MTUS2: variants seen among roughly 807,000 people sequenced by gnomAD.
MTUS2 encodes the protein microtubule-associated tumor suppressor candidate 2.
In MTUS2, 40 loss-of-function variants were observed where a neutral mutation model predicts 114.1. That is an observed-to-expected ratio of 0.35 (90% confidence interval 0.27 to 0.46). The LOEUF is 0.46. Among genes scored for constraint, MTUS2 ranks in the 20% least tolerant of loss-of-function variants. The pLI is 1.00. For missense variants in MTUS2, 1,679 were observed against 1,705.4 expected, an observed-to-expected ratio of 0.98 and a Z score of 0.27; for synonymous variants, 688 against 672.0, an observed-to-expected ratio of 1.02 and a Z score of -0.37.
chr13:29,253,312 G>A (rs1394670259), intron 5 of MTUS2, among the ~76,000 whole-genome samples: 2 of 151,870 alleles, frequency 1.3e-5, no homozygotes, highest in Admixed American at 6.6e-5. Flanking sequence ...TGTAATCCCA[G>A]CTACTCGGGA....
At chr13:28,988,434 AC>A (rs1330054961) in intron 2 of MTUS2, among the ~76,000 whole-genome samples, 1 of 152,182 alleles carries the variant, frequency 6.6e-6, no homozygotes, top group East Asian at 1.9e-4. Flanking sequence ...AAAGAGTCAT[AC>A]TCATTAGTGA....
intron 5 of MTUS2, among the ~76,000 whole-genome samples, chr13:29,149,716 C>G (rs1165957523): frequency 2.0e-5 from 3 of 152,074 alleles, no homozygotes; most frequent in Non-Finnish European, 4.4e-5. Flanking sequence ...AAGAAGGGGC[C>G]TGGTTTCAAT....
chr13:29,381,430 G>A (rs535762709), intron 8 of MTUS2, among the ~76,000 whole-genome samples: 166 of 152,282 alleles, frequency 1.1e-3, no homozygotes, highest in Non-Finnish European at 2.1e-3. Flanking sequence ...TATAGGTATT[G>A]CAACTAAGAG....
intron 2 of MTUS2, among the ~76,000 whole-genome samples, chr13:29,009,141 C>T (rs968708370): frequency 4.0e-5 from 6 of 149,202 alleles, no homozygotes; most frequent in African/African-American, 1.5e-4. Context: ...TTCCCTGTCT[C>T]TTTCTATAGC....
At chr13:29,478,937 G>C (rs1195050554) in intron 9 of MTUS2, among the ~76,000 whole-genome samples, 1 of 152,194 alleles carries the variant, frequency 6.6e-6, no homozygotes, top group African/African-American at 2.4e-5. Flanking sequence ...TATTTCACCA[G>C]AAGAAGAAAA....
chr13:29,009,925 A>G (rs1721237197), intron 2 of MTUS2, among the ~76,000 whole-genome samples: 1 of 152,096 alleles, frequency 6.6e-6, no homozygotes, highest in African/African-American at 2.4e-5. Flanking sequence ...ATAAAAAGCT[A>G]TAAAGGCCAG....
chr13:29,166,085 G>T (rs1893303824), intron 5 of MTUS2, among the ~76,000 whole-genome samples: 1 of 152,140 alleles, frequency 6.6e-6, no homozygotes, highest in Admixed American at 6.5e-5. Context: ...TGCAGCTACT[G>T]GTGAAAACAG....
At chr13:29,203,411 C>T (rs950468925) in intron 5 of MTUS2, among the ~76,000 whole-genome samples, 9 of 152,148 alleles carry the variant, frequency 5.9e-5, no homozygotes, top group East Asian at 1.9e-4. Context: ...GTGCTGGCAG[C>T]GAGAATTTCA....
At chr13:29,320,327 C>T (rs1056619621) in intron 6 of MTUS2, among the ~76,000 whole-genome samples, 36 of 152,170 alleles carry the variant, frequency 2.4e-4, no homozygotes, top group Admixed American at 2.1e-3. Flanking sequence ...CCAGCCTGGC[C>T]GACCCCTTGG....
chr13:28,865,822 G>A (rs1362305279), intron 2 of MTUS2, among the ~76,000 whole-genome samples: 1 of 152,126 alleles, frequency 6.6e-6, no homozygotes, highest in African/African-American at 2.4e-5. Flanking sequence ...CCACACTAGA[G>A]TCTCTTGCAG....
At chr13:29,228,339 G>A (rs1299472897) in intron 5 of MTUS2, among the ~76,000 whole-genome samples, 1 of 152,186 alleles carries the variant, frequency 6.6e-6, no homozygotes, top group Non-Finnish European at 1.5e-5. Flanking sequence ...TCTTTTTTTA[G>A]ATATGGGATC....
rs114295957 is a variant in MTUS2 at position 29,418,469 on chromosome 13, A to T, written c.3118-21514A>T. ...CTTTTCTGCTCATACAGATCAAGTA[A>T]GAATTTAATTGGCTTCCTATCTATT... On this transcript the variant is annotated intron_variant, in intron 8 of 15. Coordinates refer to ENST00000612955, the MANE Select transcript of MTUS2 (RefSeq NM_001033602.4). Among the ~76,000 whole-genome samples, 1,004 of 152,356 alleles carry T rather than the reference A, an allele frequency of 6.6e-3. 13 individuals are homozygous for T. The highest frequency in any genetic ancestry group is 0.023 in the African/African-American group (960 of 41,596).
At chr13:29,225,100 T>C (rs1896053818) in intron 5 of MTUS2, among the ~76,000 whole-genome samples, 1 of 152,176 alleles carries the variant, frequency 6.6e-6, no homozygotes, top group South Asian at 2.1e-4. Flanking sequence ...GACTGGCTCC[T>C]TGTCAGCCTA....
chr13:28,863,097 G>T (rs1264533119), intron 2 of MTUS2, among the ~76,000 whole-genome samples: 1 of 152,180 alleles, frequency 6.6e-6, no homozygotes, highest in Non-Finnish European at 1.5e-5. Context: ...AAACATTCCA[G>T]TAATGTGCAG....
chr13:28,998,180 G>T (rs968974451), intron 2 of MTUS2, among the ~76,000 whole-genome samples: 1 of 152,048 alleles, frequency 6.6e-6, no homozygotes, highest in East Asian at 1.9e-4. Flanking sequence ...GAAATTCTGG[G>T]TTGAAAATTC....
chr13:29,125,802 A>G (rs1891490814), intron 5 of MTUS2, among the ~76,000 whole-genome samples: 1 of 152,238 alleles, frequency 6.6e-6, no homozygotes, highest in Non-Finnish European at 1.5e-5. Context: ...AACAAAGACA[A>G]TAGTTAGATT....
At chr13:28,989,342 A>G (rs531570325) in intron 2 of MTUS2, among the ~76,000 whole-genome samples, 18 of 152,274 alleles carry the variant, frequency 1.2e-4, no homozygotes, top group Middle Eastern at 3.4e-3. Flanking sequence ...AGATAGTGAC[A>G]CCTTTTTCGA....
chr13:28,887,912 C>T (rs976491069), intron 2 of MTUS2, among the ~76,000 whole-genome samples: 5 of 152,164 alleles, frequency 3.3e-5, no homozygotes, highest in African/African-American at 1.2e-4. Flanking sequence ...GGTTAACTTC[C>T]TCTGTCCTAA....
intron 8 of MTUS2, among the ~76,000 whole-genome samples, chr13:29,387,895 A>G (rs1872735596): frequency 6.6e-6 from 1 of 152,186 alleles, no homozygotes; most frequent in Non-Finnish European, 1.5e-5. Flanking sequence ...ACCTATTTAC[A>G]GTTACTCAAA....
Sources: gnomAD v4.1 joint callset for allele counts (sites outside exome capture counted in the v4.1 genomes callset) on GRCh38, gnomAD v4.1.1 for gene constraint, MANE v1.5 for transcripts, NCBI Gene and HGNC (gene_info 2026-07-23, HGNC 2026-07-21) for gene names.